The following KDM4C variants were observed in gnomAD, a reference collection of about 807,000 sequenced individuals.
KDM4C encodes lysine-specific demethylase 4C.
In KDM4C, 81 loss-of-function variants were observed where a neutral mutation model predicts 129.3. That is an observed-to-expected ratio of 0.63 (90% CI 0.52 to 0.75). KDM4C has a LOEUF of 0.75. KDM4C is among the 30% of genes least tolerant of loss of function. KDM4C has a pLI of 0.00. For synonymous variants in KDM4C, 573 were observed against 456.1 expected, an observed-to-expected ratio of 1.26 and a Z score of -3.26; for missense variants, 1,457 against 1,304.0, an observed-to-expected ratio of 1.12 and a Z score of -1.81.
intron 5 of KDM4C, among the ~76,000 whole-genome samples, chr9:6,855,136 C>T (rs771042715): frequency 8.5e-5 from 13 of 152,082 alleles, no homozygotes; most frequent in Admixed American, 2.0e-4. Context: ...TAAACATGAA[C>T]TTCATAAATT....
intron 19 of KDM4C, among the ~76,000 whole-genome samples, chr9:7,132,166 G>A (rs1162887071): frequency 6.6e-6 from 1 of 152,156 alleles, no homozygotes; most frequent in Non-Finnish European, 1.5e-5. Flanking sequence ...ATCATCCCAA[G>A]CTATTTATCT....
chr9:6,978,704 C>A (rs1000861465), intron 8 of KDM4C: 10 of 143,088 alleles, frequency 7.0e-5, no homozygotes, highest in Non-Finnish European at 1.4e-4. Context: ...GACATCCAAG[C>A]ATCAAGCAAG....
intron 4 of KDM4C, among the ~76,000 whole-genome samples, chr9:6,828,966 T>A (rs542157390): frequency 1.1e-4 from 16 of 152,338 alleles, no homozygotes; most frequent in African/African-American, 3.6e-4. Flanking sequence ...AACTTCACAG[T>A]TGAAACATAC....
At chr9:6,878,727 T>C (rs921611323) in intron 5 of KDM4C, among the ~76,000 whole-genome samples, 5 of 152,198 alleles carry the variant, frequency 3.3e-5, no homozygotes, top group Non-Finnish European at 5.9e-5. Flanking sequence ...TCATATTACA[T>C]GTATGTGTGT....
intron 15 of KDM4C, among the ~76,000 whole-genome samples, chr9:7,037,075 C>G (rs1028367380): frequency 2.0e-5 from 3 of 152,130 alleles, no homozygotes; most frequent in African/African-American, 7.2e-5. Context: ...GATAATGAGC[C>G]ACATATCCAG....
At chr9:6,829,551 A>T (rs550336276) in intron 4 of KDM4C, among the ~76,000 whole-genome samples, 1 of 152,376 alleles carries the variant, frequency 6.6e-6, no homozygotes, top group South Asian at 2.1e-4. Flanking sequence ...ACACATTGAT[A>T]GATAAGGAAG....
At chr9:6,835,064 A>G in intron 4 of KDM4C, 1 of 959,912 alleles carries the variant, frequency 1.0e-6, no homozygotes, top group Non-Finnish European at 1.7e-6. Context: ...ACCACGGCTG[A>G]GTGGGATATC....
chr9:7,054,538 T>C (rs1830616525), intron 17 of KDM4C, among the ~76,000 whole-genome samples: 1 of 152,206 alleles, frequency 6.6e-6, no homozygotes, highest in Admixed American at 6.5e-5. Context: ...ATGATGTTTT[T>C]ATGGTATCAC....
At chr9:7,015,516 G>C (rs937196591) in intron 14 of KDM4C, among the ~76,000 whole-genome samples, 9 of 152,002 alleles carry the variant, frequency 5.9e-5, no homozygotes, top group Non-Finnish European at 1.0e-4. Flanking sequence ...AAAAATATTA[G>C]GTTAAAATGT....
In KDM4C at chr9:7,080,142, C is replaced by G. The variant is rs919581626; in HGVS notation, c.2425-23543C>G. On this transcript the variant is annotated intron_variant, in intron 17 of 21. Coordinates refer to ENST00000381309, the MANE Select transcript of KDM4C (RefSeq NM_015061.6). ...CCCATGGTGTCTTCTTGGTCCACAACTAGTCCACATAACCCAGCCTCCCTT... is the reference window on the plus strand; with the variant it reads ...CCCATGGTGTCTTCTTGGTCCACAAGTAGTCCACATAACCCAGCCTCCCTT... Among the ~76,000 whole-genome samples, 5 of 152,328 alleles carry G rather than the reference C, an allele frequency of 3.3e-5. No homozygotes were observed. In the East Asian group the frequency reaches 9.6e-4, roughly 29 times the overall value.
intron 3 of KDM4C, among the ~76,000 whole-genome samples, chr9:6,812,563 C>T (rs1048279806): frequency 3.5e-4 from 54 of 152,280 alleles, no homozygotes; most frequent in African/African-American, 1.3e-3. Flanking sequence ...CCCTCACATG[C>T]ACAGTTCACA....
At chr9:6,790,917 G>A (rs1358035419) in intron 1 of KDM4C, among the ~76,000 whole-genome samples, 7 of 152,088 alleles carry the variant, frequency 4.6e-5, no homozygotes, top group Non-Finnish European at 1.0e-4. Flanking sequence ...AGTAAAACCT[G>A]CCTACTTTCC....
chr9:6,782,243 G>A (rs544694376), intron 1 of KDM4C, among the ~76,000 whole-genome samples: 1 of 152,304 alleles, frequency 6.6e-6, no homozygotes, highest in Admixed American at 6.5e-5. Context: ...TTGGTGGGGA[G>A]TGTTGCCCAA....
intron 5 of KDM4C, among the ~76,000 whole-genome samples, chr9:6,865,008 C>CTTTTTTTTTTTT: frequency 7.9e-6 from 1 of 126,592 alleles, no homozygotes; most frequent in Non-Finnish European, 1.6e-5. Flanking sequence ...AAATTTCTTT[C>CTTTTTTTTTTTT]TTTTTTTTTT....
intron 8 of KDM4C, among the ~76,000 whole-genome samples, chr9:6,937,055 T>C (rs906038155): frequency 2.0e-5 from 3 of 152,082 alleles, no homozygotes; most frequent in Admixed American, 2.0e-4. Flanking sequence ...TTGCCACTTT[T>C]ATCAGAGAAA....
At chr9:7,078,934 C>G (rs1242476952) in intron 17 of KDM4C, among the ~76,000 whole-genome samples, 1 of 152,178 alleles carries the variant, frequency 6.6e-6, no homozygotes, top group Non-Finnish European at 1.5e-5. Flanking sequence ...GCAAAGTTTG[C>G]TTATACATCA....
chr9:6,871,412 A>G (rs1012493328), intron 5 of KDM4C, among the ~76,000 whole-genome samples: 6 of 152,208 alleles, frequency 3.9e-5, no homozygotes, highest in Admixed American at 3.3e-4. Flanking sequence ...CTTCAAAATA[A>G]ATCTTAAAAA....
chr9:6,870,150 A>G (rs932093131), intron 5 of KDM4C, among the ~76,000 whole-genome samples: 2 of 152,190 alleles, frequency 1.3e-5, no homozygotes, highest in South Asian at 2.1e-4. Context: ...TTTTGTAACA[A>G]GAACTCCCTT....
intron 18 of KDM4C, among the ~76,000 whole-genome samples, chr9:7,127,474 A>C (rs544534408): frequency 6.6e-6 from 1 of 152,320 alleles, no homozygotes; most frequent in African/African-American, 2.4e-5. Flanking sequence ...AACTTAAGAC[A>C]CATGCTTTAT....
Sources: gnomAD v4.1 joint callset for allele counts (sites outside exome capture counted in the v4.1 genomes callset) on GRCh38, gnomAD v4.1.1 for gene constraint, MANE v1.5 for transcripts, NCBI Gene and HGNC (gene_info 2026-07-23, HGNC 2026-07-21) for gene names.